The following HPSE2 variants were observed in gnomAD, a reference collection of about 807,000 sequenced individuals.
HPSE2 encodes heparanase 2 (inactive).
HPSE2 carries 38 observed loss-of-function variants against 60.5 expected under a neutral mutation model. That is an observed-to-expected ratio of 0.63 (90% CI 0.48 to 0.82). The LOEUF (loss-of-function observed/expected upper bound fraction) is 0.82. Ranked by LOEUF, HPSE2 falls within the 40% of genes least tolerant of loss-of-function variation. The probability of loss-of-function intolerance (pLI) is 0.00; values close to 1 mark genes in which losing one functional copy is unlikely to be tolerated. For synonymous variants in HPSE2, 295 were observed against 293.2 expected (o/e 1.01, Z -0.06); for missense variants, 713 against 740.4 (o/e 0.96, Z 0.43).
chr10:98,862,577 C>A (rs1341981566), intron 3 of HPSE2, among the ~76,000 whole-genome samples: 1 of 152,144 alleles, frequency 6.6e-6, no homozygotes, highest in African/African-American at 2.4e-5. Flanking sequence ...TCTGTTCTCT[C>A]ATGCTTTTGG....
chr10:98,999,621 T>C lies in HPSE2; in HGVS notation c.610+144617A>G, dbSNP rs552289066. The stretch of plus-strand genomic sequence containing the variant: ...GAGATGTGAGCTGGGAATTGAAGGA[T>C]ATTCTGTGGAGAGGAACGGGAAAAG... On this transcript the variant is annotated intron_variant, in intron 3 of 11. Coordinates refer to ENST00000370552, the MANE Select transcript of HPSE2 (RefSeq NM_021828.5). 2.0e-5 allele frequency among the ~76,000 whole-genome samples: 3 copies of C among 152,228 alleles called. 1 individual carries two copies. In the South Asian group the frequency reaches 6.2e-4, roughly 32 times the overall value.
At chr10:99,310,170 C>G in the HPSE2 span, among the ~76,000 whole-genome samples, 5 of 152,192 alleles carry the variant, frequency 3.3e-5, no homozygotes, top group African/African-American at 1.2e-4. Context: ...TAGGGCCCAC[C>G]TGGAAAATCC....
intron 9 of HPSE2, among the ~76,000 whole-genome samples, chr10:98,562,034 C>T (rs937563464): frequency 6.6e-6 from 1 of 152,154 alleles, no homozygotes; most frequent in Non-Finnish European, 1.5e-5. Context: ...AAGCTCCATT[C>T]ATGGTAACTG....
intron 3 of HPSE2, among the ~76,000 whole-genome samples, chr10:98,748,511 T>C (rs930722970): frequency 2.6e-5 from 4 of 152,156 alleles, no homozygotes; most frequent in South Asian, 2.1e-4. Flanking sequence ...CTATGTCTTA[T>C]AGTCAGGGTG....
intron 2 of HPSE2, among the ~76,000 whole-genome samples, chr10:99,160,823 C>T (rs942768117): frequency 3.0e-5 from 4 of 135,050 alleles, no homozygotes; most frequent in Admixed American, 8.7e-5. Context: ...GGTGTGAACC[C>T]GGGAGGCGGA....
At chr10:99,094,073 C>A (rs1201530687) in intron 3 of HPSE2, among the ~76,000 whole-genome samples, 1 of 152,072 alleles carries the variant, frequency 6.6e-6, no homozygotes, top group Non-Finnish European at 1.5e-5. Flanking sequence ...CTCTATTTCA[C>A]AGTTTCTAAT....
rs148723654 is a variant in HPSE2 at position 98,637,223 on chromosome 10, T to C, written c.1098+4624A>G. On this transcript the variant is annotated intron_variant, in intron 7 of 11. Transcript: ENST00000370552. ...GCTCAGAAAACTGAGAATTCTTCTC[T>C]AAGTGGCAATCCAAATTTGCAAACC... 1.4e-4 allele frequency among the ~76,000 whole-genome samples: 22 copies of C among 152,304 alleles called. No homozygotes were observed. In the East Asian group the frequency reaches 3.9e-3, roughly 27 times the overall value.
chr10:99,055,595 C>G (rs1958093894), intron 3 of HPSE2, among the ~76,000 whole-genome samples: 1 of 152,054 alleles, frequency 6.6e-6, no homozygotes, highest in South Asian at 2.1e-4. Flanking sequence ...CACTGTAAAC[C>G]TTAAAATCCA....
chr10:98,953,269 A>AG (rs1279769098), intron 3 of HPSE2, among the ~76,000 whole-genome samples: 2 of 152,182 alleles, frequency 1.3e-5, no homozygotes, highest in African/African-American at 4.8e-5. Context: ...TCCTCGGTGC[A>AG]GGGGTCTTGG....
intron 3 of HPSE2, among the ~76,000 whole-genome samples, chr10:98,887,727 G>A (rs970701825): frequency 2.6e-5 from 4 of 152,052 alleles, no homozygotes; most frequent in African/African-American, 7.2e-5. Flanking sequence ...AAAAATAAGA[G>A]AAGTTGCATG....
At chr10:98,840,845 G>C (rs12267633) in intron 3 of HPSE2, among the ~76,000 whole-genome samples, 10,042 of 152,254 alleles carry the variant, frequency 0.066, 1,043 homozygotes, top group African/African-American at 0.22. Flanking sequence ...TTAAAGGACT[G>C]TCACTTTTAG....
At chr10:98,778,760 T>C (rs201305063) in intron 3 of HPSE2, among the ~76,000 whole-genome samples, 24 of 152,324 alleles carry the variant, frequency 1.6e-4, no homozygotes, top group African/African-American at 4.8e-4. Context: ...ATCTATAAAG[T>C]AGATGATTAA....
intron 5 of HPSE2, among the ~76,000 whole-genome samples, chr10:98,702,335 G>A (rs1288603412): frequency 6.6e-6 from 1 of 152,086 alleles, no homozygotes; most frequent in Admixed American, 6.5e-5. Context: ...CCTATAAAGA[G>A]ACTTAGACTC....
intron 9 of HPSE2, among the ~76,000 whole-genome samples, chr10:98,515,353 T>C (rs1296575776): frequency 6.6e-6 from 1 of 152,186 alleles, no homozygotes; most frequent in Admixed American, 6.5e-5. Flanking sequence ...CAAAGAATCT[T>C]GGTTCAATGA....
intron 3 of HPSE2, among the ~76,000 whole-genome samples, chr10:99,085,345 G>A (rs1308328174): frequency 6.6e-6 from 1 of 152,202 alleles, no homozygotes; most frequent in East Asian, 1.9e-4. Flanking sequence ...CCAAGGCCCA[G>A]TATGTCCCAG....
chr10:98,676,065 A>C (rs1425242443), intron 6 of HPSE2, among the ~76,000 whole-genome samples: 1 of 152,062 alleles, frequency 6.6e-6, no homozygotes. Context: ...GTGAGGGCTA[A>C]ACCCTTTGAA....
At chr10:98,915,406 C>G (rs946753400) in intron 3 of HPSE2, among the ~76,000 whole-genome samples, 12 of 152,072 alleles carry the variant, frequency 7.9e-5, no homozygotes, top group Non-Finnish European at 1.8e-4. Flanking sequence ...CTCTGCCTCC[C>G]AAAGTGCTGG....
At position 98,987,371 on chromosome 10, in the gene HPSE2, T is replaced by C. The variant is rs1187052130; in HGVS notation, c.610+156867A>G. On this transcript the variant is annotated intron_variant, in intron 3 of 11. Transcript: ENST00000370552. ...GCAAATCAATAAACGTAATCCAGCATATAAACAGAACCAAAGACAAAAACC... is the reference window on the plus strand; with the variant it reads ...GCAAATCAATAAACGTAATCCAGCACATAAACAGAACCAAAGACAAAAACC... 3.9e-5 allele frequency among the ~76,000 whole-genome samples: 6 copies of C among 152,118 alleles called. No homozygotes were observed. The East Asian group carries it at 9.7e-4, about 25-fold the overall frequency.
chr10:98,676,370 G>A (rs1402542906), intron 6 of HPSE2, among the ~76,000 whole-genome samples: 1 of 152,170 alleles, frequency 6.6e-6, no homozygotes, highest in Non-Finnish European at 1.5e-5. Flanking sequence ...ATGCAACTTT[G>A]TTTATCCCAT....
Sources: allele counts gnomAD v4.1 joint callset (sites outside exome capture counted in the v4.1 genomes callset), GRCh38; gene constraint gnomAD v4.1.1; transcripts MANE v1.5; gene names NCBI Gene and HGNC (gene_info 2026-07-23, HGNC 2026-07-21).